Variants in WTIP observed in about 807,000 individuals in gnomAD.
The protein encoded by WTIP is WT1 interacting protein, also known as Wilms tumor protein 1-interacting protein.
A neutral mutation model predicts 41.7 loss-of-function variants in WTIP; 23 were observed. The observed-to-expected ratio is 0.55, with a 90% CI of 0.40 to 0.78. The LOEUF (loss-of-function observed/expected upper bound fraction) is 0.78. Among genes scored for constraint, WTIP ranks in the 30% least tolerant of loss-of-function variants. WTIP has a pLI of 0.00. For missense variants in WTIP, 619 were observed against 610.5 expected (o/e 1.01, Z -0.15); for synonymous variants, 314 against 269.9 (o/e 1.16, Z -1.60).
rs549607034 is a variant in WTIP, at chr19:34,490,394, G to C, written c.686G>C (p.Gly229Ala). Residue 229 changes from glycine to alanine, a missense_variant, in exon 2 of 8, where the codon GGG becomes GCG. Gly to Ala is a moderately conservative substitution (Grantham distance 60). Around this residue, in one of 3 missense-constraint regions of WTIP, gnomAD observed 164 missense variants for 219.1 expected, o/e 0.75. Transcript: ENST00000590071. ...RDYFGICIKC[G>A]LGIYGAQQAC... Reference sequence around the variant, plus strand: ...CTCCTAGGCATTTGCATCAAGTGTGGGCTTGGCATCTACGGAGCCCAGCAG... The same window carrying C: ...CTCCTAGGCATTTGCATCAAGTGTGCGCTTGGCATCTACGGAGCCCAGCAG... The C allele has an allele frequency of 1.4e-5, 23 of 1,613,994 alleles. No individual in the cohort carries two copies. In the South Asian group the frequency reaches 2.4e-4, roughly 17 times the overall value.
chr19:34,493,287 G>A lies in WTIP; in HGVS notation c.862G>A (p.Asp288Asn), dbSNP rs769455681. 1.4e-5 allele frequency: 22 copies of A among 1,613,506 alleles called. No homozygotes were observed. The highest frequency in any genetic ancestry group is 6.6e-5 in the South Asian group (6 of 91,012). Residue 288 changes from aspartate (D) to asparagine (N), a missense_variant, in exon 4 of 8, where the codon GAC (aspartate) becomes AAC (asparagine). Transcript: ENST00000590071. The surrounding 1 kb of genome is among the most constrained non-coding windows in gnomAD (Gnocchi z 4.1). ...FLYSGFQQTA[D>N]KCSVCGHLIM... is the part of the protein sequence containing the mutation. Reference sequence around the variant, plus strand: ...GTACTCCGGGTTCCAGCAGACGGCCGACAAATGCAGCGTGTGTGGACATCT... The same window carrying A: ...GTACTCCGGGTTCCAGCAGACGGCCAACAAATGCAGCGTGTGTGGACATCT...
At position 34,484,718 on chromosome 19, in the gene WTIP, G is replaced by A. The variant is rs575182714; in HGVS notation, c.667+2077G>A. Among the ~76,000 whole-genome samples, 6 of 152,228 alleles carry A rather than the reference G, an allele frequency of 3.9e-5. No individual in the cohort carries two copies. In the East Asian group the frequency reaches 9.7e-4, roughly 25 times the overall value. On this transcript the variant is annotated intron_variant, in intron 1 of 7. Coordinates refer to ENST00000590071, the MANE Select transcript of WTIP (RefSeq NM_001080436.2). Reference sequence around the variant, plus strand: ...ATAGGGGTGGCTGAGGTCCCAGGCAGGTAATGTGGAGATGATACAAGAAGG... The same window carrying A: ...ATAGGGGTGGCTGAGGTCCCAGGCAAGTAATGTGGAGATGATACAAGAAGG...
chr19:34,509,986 C>A lies in WTIP; in HGVS notation c.*9717C>A, dbSNP rs1599976834. The A allele has an allele frequency of 6.6e-6, 1 of 152,232 alleles. No individual in the cohort carries two copies. Among genetic ancestry groups the A allele is most frequent in the African/African-American group, 2.4e-5 (1 of 41,452 alleles). The allele number at this position is 152,232 out of a possible 1,614,324, so 9.4% of individuals were successfully genotyped here. A position where few individuals can be genotyped will look rare whatever the true frequency, so the allele number is the denominator to read the frequency against. ...CCCTGTGGCTTTGCAGGGCATAGCTCCCCTGCTGGCTTCTTTCATGGGCTG... is the reference window on the plus strand; with the variant it reads ...CCCTGTGGCTTTGCAGGGCATAGCTACCCTGCTGGCTTCTTTCATGGGCTG... On this transcript the variant is annotated 3_prime_UTR_variant, in exon 8 of 8. Transcript: ENST00000590071.
At chr19:34,496,460 G>A (rs895666354) in intron 7 of WTIP, among the ~76,000 whole-genome samples, 1 of 152,012 alleles carries the variant, frequency 6.6e-6, no homozygotes, top group Non-Finnish European at 1.5e-5. Flanking sequence ...GTGAGTCACC[G>A]CGCCAGCCTC....
intron 2 of WTIP, among the ~76,000 whole-genome samples, chr19:34,492,596 G>A (rs1254546983): frequency 6.6e-6 from 1 of 151,290 alleles, no homozygotes; most frequent in Non-Finnish European, 1.5e-5. Context: ...GGGTGAGGCA[G>A]GAGAATCGCT....
At chr19:34,494,110 AG>A (rs889536559) in intron 5 of WTIP, among the ~76,000 whole-genome samples, 21 of 152,276 alleles carry the variant, frequency 1.4e-4, no homozygotes, top group South Asian at 8.3e-4. Context: ...CCTGGTACTC[AG>A]GGTGAAGCCA....
intron 1 of WTIP, among the ~76,000 whole-genome samples, chr19:34,489,456 A>G (rs7254476): frequency 2.6e-5 from 4 of 152,084 alleles, no homozygotes; most frequent in Non-Finnish European, 5.9e-5. Context: ...CAGAGTGGGT[A>G]CAGAGGAGGA....
intron 1 of WTIP, 27 bp downstream of exon 1, chr19:34,482,668 C>T (rs1046599389): frequency 8.2e-7 from 1 of 1,225,446 alleles, no homozygotes; most frequent in East Asian, 3.2e-5. Flanking sequence ...CGGCAGTTCC[C>T]TGCGCGCATG....
intron 1 of WTIP, among the ~76,000 whole-genome samples, chr19:34,484,885 G>A (rs1267881190): frequency 6.7e-6 from 1 of 148,598 alleles, no homozygotes; most frequent in Non-Finnish European, 1.5e-5. Flanking sequence ...AGCTATGATC[G>A]TGCCACTGCA....
intron 7 of WTIP, among the ~76,000 whole-genome samples, chr19:34,497,991 G>A (rs1568402271): frequency 6.6e-6 from 1 of 151,710 alleles, no homozygotes; most frequent in Non-Finnish European, 1.5e-5. Context: ...GCTGTTGGAT[G>A]GGGACTGATA....
rs1302426182 is a variant in WTIP, at chr19:34,493,135, G to A, written c.837+31G>A. The A allele has an allele frequency of 6.2e-7, 1 of 1,613,900 alleles. No individual in the cohort carries two copies. The highest frequency in any genetic ancestry group is 8.5e-7 in the Non-Finnish European group (1 of 1,179,820). ...TCCAAGCTGTGCCCTGGCAGTGCCA[G>A]GGGTGGGAGGTGGGGCAGGGACCCT... On this transcript the variant is annotated intron_variant, in intron 3 of 7. Coordinates refer to ENST00000590071, the MANE Select transcript of WTIP (RefSeq NM_001080436.2). The surrounding 1 kb of genome is among the most constrained non-coding windows in gnomAD (Gnocchi z 4.1).
chr19:34,483,000 T>A (rs1391400009), intron 1 of WTIP, among the ~76,000 whole-genome samples: 1 of 142,888 alleles, frequency 7.0e-6, no homozygotes, highest in Non-Finnish European at 1.5e-5. Flanking sequence ...TTTTTTTTTC[T>A]TTCTTCTTTT....
At position 34,482,385 on chromosome 19, in the gene WTIP, G is replaced by T; in HGVS notation, c.411G>T (p.Val137=). 1 of 1,368,224 alleles carries T rather than the reference G, an allele frequency of 7.3e-7. No homozygotes were observed. The highest frequency in any genetic ancestry group is 9.4e-7 in the Non-Finnish European group (1 of 1,058,366). 84.8% of individuals were successfully genotyped at this position (1,368,224 alleles called of 1,614,324 possible). ...DPRPGPGPPS[V]GSARSSVSSL... is the part of the protein sequence containing the mutation. ...GTCCCGGTCCCGGGCCGCCTTCGGT[G>T]GGCAGCGCCCGCTCCAGCGTTTCCA... is the stretch of plus-strand genomic sequence containing the variant. Residue 137 remains valine (V), a synonymous_variant, in exon 1 of 8, where the codon GTG becomes GTT. Coordinates refer to ENST00000590071, the MANE Select transcript of WTIP (RefSeq NM_001080436.2).
intron 7 of WTIP, among the ~76,000 whole-genome samples, chr19:34,497,000 C>T (rs770959106): frequency 5.3e-5 from 8 of 152,238 alleles, no homozygotes; most frequent in East Asian, 1.9e-4. Flanking sequence ...GTAGCTGGGA[C>T]TACAGGCACC....
intron 7 of WTIP, among the ~76,000 whole-genome samples, chr19:34,496,151 C>CT (rs138460387): frequency 0.051 from 7,781 of 152,160 alleles, 251 homozygotes; most frequent in Middle Eastern, 0.096. Flanking sequence ...GAGTGAGACT[C>CT]TGTCTCAAAA....
Position 34,511,968 on chromosome 19 carries a change from C to G in WTIP, c.*11699C>G, listed in dbSNP as rs796245424. Reference sequence around the variant, plus strand: ...TCTGTGTTAATTTGGAGCTGACACCCTTTAATATTGAGTCCTGGCTTTGAG... The same window carrying G: ...TCTGTGTTAATTTGGAGCTGACACCGTTTAATATTGAGTCCTGGCTTTGAG... On this transcript the variant is annotated 3_prime_UTR_variant, in exon 8 of 8. Transcript: ENST00000590071. The G allele has an allele frequency of 7.9e-5, 12 of 152,348 alleles. No homozygotes were observed. Among genetic ancestry groups the G allele is most frequent in the African/African-American group, 2.4e-4 (10 of 41,568 alleles). The allele number at this position is 152,348 out of a possible 1,614,324, so 9.4% of individuals were successfully genotyped here.
intron 7 of WTIP, among the ~76,000 whole-genome samples, chr19:34,498,006 C>T (rs533906644): frequency 6.6e-6 from 1 of 152,232 alleles, no homozygotes; most frequent in South Asian, 2.1e-4. Context: ...CTGATACCTC[C>T]GGGACCCCGC....
intron 2 of WTIP, among the ~76,000 whole-genome samples, chr19:34,490,746 G>A (rs2075821452): frequency 6.6e-6 from 1 of 152,206 alleles, no homozygotes; most frequent in Admixed American, 6.5e-5. Context: ...CAGCTGCCTG[G>A]GAGCAGCGTC....
Position 34,504,285 on chromosome 19 carries a change from C to T in WTIP, c.*4016C>T, listed in dbSNP as rs973891533. On this transcript the variant is annotated 3_prime_UTR_variant, in exon 8 of 8. Coordinates refer to ENST00000590071, the MANE Select transcript of WTIP (RefSeq NM_001080436.2). ...TGGAGCGAGACCAACAGAGCCCTGA[C>T]GCTGGGATTTGGGAGGATTTGGTGG... The T allele has an allele frequency of 1.3e-5, 2 of 151,956 alleles. No individual in the cohort carries two copies. Among genetic ancestry groups the T allele is most frequent in the African/African-American group, 2.4e-5 (1 of 41,294 alleles). 9.4% of individuals were successfully genotyped at this position (151,956 alleles called of 1,614,324 possible).
Sources: gnomAD v4.1 joint callset for allele counts (sites outside exome capture counted in the v4.1 genomes callset) on GRCh38, gnomAD v4.1.1 for gene constraint, gnomAD v4.1.1 regional missense constraint, Gnocchi (gnomAD v3.1) non-coding constraint, MANE v1.5 for transcripts, NCBI Gene and HGNC (gene_info 2026-07-23, HGNC 2026-07-21) for gene names.